The following XPNPEP3 variants were observed in gnomAD, a reference collection of about 807,000 sequenced individuals.
XPNPEP3 encodes xaa-Pro aminopeptidase 3.
A neutral mutation model predicts 60.0 loss-of-function variants in XPNPEP3; 41 were observed. The ratio of observed to expected loss-of-function variants is 0.68; its 90% CI spans 0.53 to 0.89. The LOEUF is 0.89. XPNPEP3 is among the 40% of genes least tolerant of loss of function. The pLI is 0.00. For synonymous variants in XPNPEP3, 212 were observed against 223.2 expected (o/e 0.95, Z 0.45); for missense variants, 598 against 638.9 (o/e 0.94, Z 0.69).
At chr22:40,902,631 C>T (rs1051348086) in intron 4 of XPNPEP3, among the ~76,000 whole-genome samples, 18 of 152,178 alleles carry the variant, frequency 1.2e-4, no homozygotes, top group African/African-American at 4.3e-4. Context: ...GATCCGCCTG[C>T]CTCGGCCTCC....
intron 4 of XPNPEP3, among the ~76,000 whole-genome samples, chr22:40,905,829 G>T (rs910234564): frequency 6.6e-6 from 1 of 151,878 alleles, no homozygotes; most frequent in Non-Finnish European, 1.5e-5. Context: ...GTCTCGCACT[G>T]TGGCCCAGGC....
chr22:40,920,399 G>A (rs1292023625), intron 7 of XPNPEP3, among the ~76,000 whole-genome samples: 1 of 152,026 alleles, frequency 6.6e-6, no homozygotes, highest in Non-Finnish European at 1.5e-5. Context: ...TGAACATGAG[G>A]AGGCTTTCAG....
chr22:40,868,329 C>G lies in XPNPEP3; in HGVS notation c.65-670C>G, dbSNP rs370608574. Among the ~76,000 whole-genome samples the G allele has an allele frequency of 6.9e-4, 105 of 152,182 alleles. 2 individuals carry two copies. The South Asian group carries it at 0.012, about 17-fold the overall frequency. ...ACAGCTTTATGCTATCTCTGTGATA[C>G]CCTTTCAAACTGCCTCTGTGATATC... On this transcript the variant is annotated intron_variant, in intron 1 of 9. Coordinates refer to ENST00000357137, the MANE Select transcript of XPNPEP3 (RefSeq NM_022098.4).
chr22:40,886,974 A>G (rs75091170), intron 4 of XPNPEP3, among the ~76,000 whole-genome samples: 1,864 of 152,266 alleles, frequency 0.012, 37 homozygotes, highest in African/African-American at 0.042. Context: ...GAACATACCT[A>G]GAGACTTGCT....
At chr22:40,900,680 A>G (rs1426826733) in intron 4 of XPNPEP3, among the ~76,000 whole-genome samples, 1 of 152,024 alleles carries the variant, frequency 6.6e-6, no homozygotes, top group Admixed American at 6.6e-5. Context: ...TGTAATCCCA[A>G]CACTTTGAGA....
chr22:40,898,224 C>CTT (rs1405343173), intron 4 of XPNPEP3, among the ~76,000 whole-genome samples: 3 of 70,256 alleles, frequency 4.3e-5, no homozygotes, highest in South Asian at 4.8e-4. Context: ...GTCTTTGACC[C>CTT]ATTTTTTTTT....
Position 40,861,737 on chromosome 22 carries a change from G to A in XPNPEP3, c.64+4492G>A, listed in dbSNP as rs34993656. 381 of 1,613,686 alleles carry A rather than the reference G, an allele frequency of 2.4e-4. 1 individual carries two copies. The highest frequency in any genetic ancestry group is 2.1e-3 in the African/African-American group (154 of 74,972). On this transcript the variant is annotated intron_variant, in intron 1 of 9. Transcript: ENST00000357137. The stretch of plus-strand genomic sequence containing the variant: ...CATCTGGCTTATGGAATGTGAAGCC[G>A]TACTCACATTCATCATCAAAATGAC...
At chr22:40,896,417 G>C (rs1296202476) in intron 4 of XPNPEP3, among the ~76,000 whole-genome samples, 1 of 152,072 alleles carries the variant, frequency 6.6e-6, no homozygotes, top group African/African-American at 2.4e-5. Flanking sequence ...TGCAATCCCA[G>C]CACTCTGGGA....
intron 2 of XPNPEP3, among the ~76,000 whole-genome samples, chr22:40,875,787 G>A (rs1380871633): frequency 2.6e-5 from 4 of 151,830 alleles, no homozygotes; most frequent in Non-Finnish European, 4.4e-5. Flanking sequence ...GCCAAGGTGG[G>A]CCGATTGCTT....
chr22:40,907,753 C>A, intron 5 of XPNPEP3, 104 bp downstream of exon 5: 1 of 1,094,822 alleles, frequency 9.1e-7, no homozygotes, highest in Non-Finnish European at 1.4e-6. Flanking sequence ...TGATGACCAG[C>A]ATGTCATTGG....
chr22:40,894,014 AGAG>A (rs910457487), intron 4 of XPNPEP3, among the ~76,000 whole-genome samples: 3 of 152,182 alleles, frequency 2.0e-5, no homozygotes, highest in African/African-American at 7.2e-5. Context: ...GCTCTTCAAA[AGAG>A]GAGGAGAACG....
At chr22:40,903,588 T>C (rs1295961889) in intron 4 of XPNPEP3, among the ~76,000 whole-genome samples, 1 of 151,772 alleles carries the variant, frequency 6.6e-6, no homozygotes, top group African/African-American at 2.4e-5. Context: ...CCTCCCGGGT[T>C]CAAGCAATTC....
chr22:40,890,470 T>C (rs894547229), intron 4 of XPNPEP3, among the ~76,000 whole-genome samples: 1 of 152,166 alleles, frequency 6.6e-6, no homozygotes, highest in African/African-American at 2.4e-5. Flanking sequence ...GCTGGGGCAG[T>C]TGAAGCTGCG....
At chr22:40,873,098 C>CTTTCTTTTTT in intron 2 of XPNPEP3, among the ~76,000 whole-genome samples, 1 of 88,504 alleles carries the variant, frequency 1.1e-5, no homozygotes, top group African/African-American at 4.4e-5. Flanking sequence ...TTTTCTTTTT[C>CTTTCTTTTTT]TTTTTTTTTT....
chr22:40,914,306 C>G lies in XPNPEP3; in HGVS notation c.1037C>G (p.Thr346Arg), dbSNP rs775564511. The G allele has an allele frequency of 6.2e-7, 1 of 1,613,912 alleles. No individual in the cohort carries two copies. Reference sequence around the variant, plus strand: ...TGCTATGTGAGTGACATCACACGTACGTGGCCAGTCAATGGCAGGTAGGGC... The same window carrying G: ...TGCTATGTGAGTGACATCACACGTAGGTGGCCAGTCAATGGCAGGTAGGGC... ...SSCYVSDITR[T>R]WPVNGRFTAP... The change falls in exon 7 of 10, where the codon ACG (threonine) becomes AGG (arginine). Residue 346 changes from threonine (T) to arginine (R), a missense_variant. By Grantham distance (71) the Thr-to-Arg change is moderately conservative (BLOSUM62 -1). Transcript: ENST00000357137.
chr22:40,887,948 A>G (rs1188955132), intron 4 of XPNPEP3, among the ~76,000 whole-genome samples: 2 of 152,228 alleles, frequency 1.3e-5, no homozygotes, highest in African/African-American at 4.8e-5. Context: ...CTGTGGTGAA[A>G]TGTGCATAAC....
intron 4 of XPNPEP3, among the ~76,000 whole-genome samples, chr22:40,903,493 A>ATT (rs770706790): frequency 2.1e-5 from 3 of 142,104 alleles, no homozygotes; most frequent in Non-Finnish European, 3.1e-5. Flanking sequence ...CAAGTCATTG[A>ATT]TTTTTTTTTT....
rs143092590 is a variant in XPNPEP3, at chr22:40,882,136, A to G, written c.548A>G (p.Tyr183Cys). 3 of 1,614,096 alleles carry G rather than the reference A, an allele frequency of 1.9e-6. No homozygotes were observed. Among genetic ancestry groups the G allele is most frequent in the Admixed American group, 1.7e-5 (1 of 60,004 alleles). ...AIALTGVDEA[Y>C]TLEEFQHLLP... ...GCTCTAACTGGAGTAGACGAAGCCT[A>G]TACGCTAGAAGAATTTCAACATCTT... Residue 183 changes from tyrosine (Y) to cysteine (C), a missense_variant, in exon 3 of 10, where the codon TAT becomes TGT. Tyr to Cys is a radical substitution (Grantham distance 194). Coordinates refer to ENST00000357137, the MANE Select transcript of XPNPEP3 (RefSeq NM_022098.4).
rs11912068 is a variant in XPNPEP3 at position 40,882,243 on chromosome 22, A to C, written c.589+66A>C. On this transcript the variant is annotated intron_variant, in intron 3 of 9. Transcript: ENST00000357137. The stretch of plus-strand genomic sequence containing the variant: ...GGATTAAAACCTTTCTTGCCTGTTT[A>C]GACAAGTCCTTAATTTTGTTATCGT... 5,672 of 1,569,792 alleles carry C rather than the reference A, an allele frequency of 3.6e-3. 137 individuals are homozygous for C. In the African/African-American group the frequency reaches 0.061, roughly 17 times the overall value.
Sources: gnomAD v4.1 joint callset for allele counts (sites outside exome capture counted in the v4.1 genomes callset) on GRCh38, gnomAD v4.1.1 for gene constraint, MANE v1.5 for transcripts, NCBI Gene and HGNC (gene_info 2026-07-23, HGNC 2026-07-21) for gene names.